Variants in RXFP1 observed in about 807,000 individuals in gnomAD.
The protein encoded by RXFP1 is relaxin family peptide receptor 1.
RXFP1 carries 73 observed loss-of-function variants against 89.8 expected under a neutral mutation model. That is an observed-to-expected ratio of 0.81 (90% CI 0.67 to 0.99). The LOEUF (loss-of-function observed/expected upper bound fraction) is 0.99. RXFP1 is among the 50% of genes least tolerant of loss of function. The pLI is 0.00. For synonymous variants in RXFP1, 277 were observed against 305.5 expected, an observed-to-expected ratio of 0.91 and a Z score of 0.97; for missense variants, 793 against 895.5, an observed-to-expected ratio of 0.89 and a Z score of 1.46.
chr4:158,603,883 C>G (rs542010357), intron 4 of RXFP1, among the ~76,000 whole-genome samples: 121 of 131,436 alleles, frequency 9.2e-4, no homozygotes, highest in African/African-American at 3.2e-3. Flanking sequence ...GAGTAAGACT[C>G]CATCTCAATA....
At chr4:158,611,622 A>G (rs1763599763) in intron 6 of RXFP1, among the ~76,000 whole-genome samples, 1 of 152,172 alleles carries the variant, frequency 6.6e-6, no homozygotes, top group Admixed American at 6.5e-5. Context: ...TGTGAATTGC[A>G]TGTCTTCATC....
At chr4:158,550,505 C>T (rs1281530731) in intron 1 of RXFP1, among the ~76,000 whole-genome samples, 1 of 152,208 alleles carries the variant, frequency 6.6e-6, no homozygotes, top group Non-Finnish European at 1.5e-5. Flanking sequence ...CCCGGTACCT[C>T]AGATGGAAAT....
chr4:158,557,373 A>C (rs1751533844), intron 1 of RXFP1, among the ~76,000 whole-genome samples: 2 of 152,178 alleles, frequency 1.3e-5, no homozygotes. Context: ...TAATTGATAA[A>C]TTCCTTAAAG....
At position 158,639,907 on chromosome 4, in the gene RXFP1, C is replaced by G. The variant is rs192176397; in HGVS notation, c.1115+576C>G. On this transcript the variant is annotated intron_variant, in intron 14 of 17. Coordinates refer to ENST00000307765, the MANE Select transcript of RXFP1 (RefSeq NM_021634.4). ...AAAGAGACTCTGGAGACGACCCTTG[C>G]CCCTCCACCTTGTGAAGACAGACAG... 2.2e-3 allele frequency among the ~76,000 whole-genome samples: 330 copies of G among 152,160 alleles called. 2 individuals are homozygous for G. Among genetic ancestry groups the G allele is most frequent in the African/African-American group, 7.6e-3 (316 of 41,544 alleles).
At chr4:158,570,690 A>G (rs568713752) in intron 1 of RXFP1, among the ~76,000 whole-genome samples, 2 of 151,922 alleles carry the variant, frequency 1.3e-5, no homozygotes, top group Non-Finnish European at 2.9e-5. Flanking sequence ...CTCCTACCCA[A>G]TGGCACTCCA....
At chr4:158,561,323 C>G (rs1043759835) in intron 1 of RXFP1, among the ~76,000 whole-genome samples, 15 of 152,206 alleles carry the variant, frequency 9.9e-5, no homozygotes, top group African/African-American at 3.4e-4. Context: ...CTTGAGCACT[C>G]ACAAGATGCC....
chr4:158,642,055 GAGAT>G (rs1770478275), intron 14 of RXFP1, among the ~76,000 whole-genome samples: 2 of 152,190 alleles, frequency 1.3e-5, no homozygotes, highest in Admixed American at 1.3e-4. Context: ...TCTAGTGTGA[GAGAT>G]AGGCATGTTA....
intron 8 of RXFP1, among the ~76,000 whole-genome samples, chr4:158,616,141 G>T (rs1243216334): frequency 6.6e-6 from 1 of 152,174 alleles, no homozygotes; most frequent in Non-Finnish European, 1.5e-5. Flanking sequence ...AACAAGGTGG[G>T]CCAGGTGCAG....
At chr4:158,557,976 T>C (rs1182468152) in intron 1 of RXFP1, among the ~76,000 whole-genome samples, 1 of 152,224 alleles carries the variant, frequency 6.6e-6, no homozygotes, top group Non-Finnish European at 1.5e-5. Flanking sequence ...TATTCAGATA[T>C]ATTAAATATT....
At chr4:158,617,838 CTTATT>C (rs1430919642) in intron 9 of RXFP1, among the ~76,000 whole-genome samples, 1 of 152,086 alleles carries the variant, frequency 6.6e-6, no homozygotes, top group African/African-American at 2.4e-5. Flanking sequence ...CCCTCTGTCT[CTTATT>C]TTATAAGAAA....
intron 1 of RXFP1, among the ~76,000 whole-genome samples, chr4:158,545,881 C>T (rs1052269461): frequency 3.3e-4 from 50 of 152,210 alleles, no homozygotes; most frequent in African/African-American, 1.1e-3. Context: ...AGTCAGGTAG[C>T]GTGATGCCTC....
chr4:158,568,139 C>T (rs1210874629), intron 1 of RXFP1, among the ~76,000 whole-genome samples: 1 of 152,130 alleles, frequency 6.6e-6, no homozygotes, highest in Non-Finnish European at 1.5e-5. Context: ...AGTGAGACCA[C>T]GAACCCACCA....
intron 8 of RXFP1, 124 bp from the exon 9 acceptor site, chr4:158,617,007 A>G (rs1027893880): frequency 1.6e-6 from 1 of 617,938 alleles, no homozygotes; most frequent in Non-Finnish European, 2.7e-6. Context: ...AAAAAAAATT[A>G]GAAGGAAAAA....
At chr4:158,557,168 T>C (rs961658570) in intron 1 of RXFP1, among the ~76,000 whole-genome samples, 2 of 152,220 alleles carry the variant, frequency 1.3e-5, no homozygotes, top group African/African-American at 2.4e-5. Context: ...TAGATATATA[T>C]GGAAAAATCA....
chr4:158,554,655 T>A (rs1384136761), intron 1 of RXFP1, among the ~76,000 whole-genome samples: 1 of 152,154 alleles, frequency 6.6e-6, no homozygotes, highest in Non-Finnish European at 1.5e-5. Flanking sequence ...TTGTTTAATT[T>A]TACTTCCTAA....
chr4:158,563,458 C>A (rs2149952489), intron 1 of RXFP1, among the ~76,000 whole-genome samples: 1 of 150,812 alleles, frequency 6.6e-6, no homozygotes, highest in East Asian at 2.0e-4. Flanking sequence ...ATGAGGGAAC[C>A]AGTAAGATGT....
At position 158,593,385 on chromosome 4, in the gene RXFP1, C is replaced by T; in HGVS notation, c.188-16C>T. The T allele has an allele frequency of 6.4e-7, 1 of 1,563,698 alleles. No homozygotes were observed. The highest frequency in any genetic ancestry group is 8.8e-7 in the Non-Finnish European group (1 of 1,138,334). On this transcript the variant is annotated splice_polypyrimidine_tract_variant and intron_variant, in intron 2 of 17. Coordinates refer to ENST00000307765, the MANE Select transcript of RXFP1 (RefSeq NM_021634.4). Reference sequence around the variant, plus strand: ...TCTGTTCCTTGAACTTTTTTGTTCTCTGATTTTTATTTTAGGAGACAACAA... The same window carrying T: ...TCTGTTCCTTGAACTTTTTTGTTCTTTGATTTTTATTTTAGGAGACAACAA...
intron 2 of RXFP1, 34 bp downstream of exon 2, chr4:158,572,869 A>G (rs1171146304): frequency 6.2e-7 from 1 of 1,606,982 alleles, no homozygotes; most frequent in Admixed American, 1.7e-5. Context: ...GGTGAGAGAA[A>G]GGAGCAGAAA....
intron 1 of RXFP1, among the ~76,000 whole-genome samples, chr4:158,558,078 T>A (rs1027368677): frequency 6.6e-6 from 1 of 152,256 alleles, no homozygotes; most frequent in Non-Finnish European, 1.5e-5. Context: ...TACTAATACC[T>A]GCATTACATA....
Sources: allele counts gnomAD v4.1 joint callset (sites outside exome capture counted in the v4.1 genomes callset), GRCh38; gene constraint gnomAD v4.1.1; transcripts MANE v1.5; gene names NCBI Gene and HGNC (gene_info 2026-07-23, HGNC 2026-07-21).